Variants in CAAP1 observed in about 807,000 individuals in gnomAD.
CAAP1 encodes the protein caspase activity and apoptosis inhibitor 1, also known as conserved anti-apoptotic protein.
Under a neutral mutation model 34.0 loss-of-function variants are expected in CAAP1, and 20 were observed. That is an observed-to-expected ratio of 0.59 (90% CI 0.41 to 0.86). The LOEUF (loss-of-function observed/expected upper bound fraction) is 0.86. CAAP1 is among the 40% of genes least tolerant of loss of function. CAAP1 has a pLI of 0.00. For synonymous variants in CAAP1, 213 were observed against 166.7 expected (o/e 1.28, Z -2.14); for missense variants, 538 against 450.5 (o/e 1.19, Z -1.76).
intron 5 of CAAP1, among the ~76,000 whole-genome samples, chr9:26,853,429 C>T (rs1389291500): frequency 6.6e-6 from 1 of 152,128 alleles, no homozygotes; most frequent in Non-Finnish European, 1.5e-5. Flanking sequence ...ACTGGATACA[C>T]AAGTGTTAGA....
chr9:26,859,836 A>T (rs550506042), intron 5 of CAAP1, among the ~76,000 whole-genome samples: 2 of 152,358 alleles, frequency 1.3e-5, no homozygotes, highest in South Asian at 4.1e-4. Context: ...TGAAACAATC[A>T]GAAATATTCA....
intron 4 of CAAP1, among the ~76,000 whole-genome samples, chr9:26,872,542 G>T (rs1823303291): frequency 6.9e-6 from 1 of 144,004 alleles, no homozygotes; most frequent in African/African-American, 2.8e-5. Flanking sequence ...TAGACAGATA[G>T]ATATACATAT....
intron 3 of CAAP1, 145 bp downstream of exon 3, chr9:26,885,959 T>A: frequency 2.4e-6 from 1 of 409,188 alleles, no homozygotes; most frequent in East Asian, 3.7e-5. Context: ...CTATATTTTT[T>A]AGTGCAAATA....
chr9:26,861,570 G>A (rs1316175789), intron 4 of CAAP1, among the ~76,000 whole-genome samples: 1 of 152,062 alleles, frequency 6.6e-6, no homozygotes, highest in African/African-American at 2.4e-5. Flanking sequence ...TCTACAGTAT[G>A]TGGAAAATAC....
At chr9:26,851,556 G>C (rs1421631958) in intron 5 of CAAP1, among the ~76,000 whole-genome samples, 1 of 152,178 alleles carries the variant, frequency 6.6e-6, no homozygotes. Flanking sequence ...GGATATTTTT[G>C]GTCTTGCATT....
chr9:26,888,777 C>G (rs1376475890), intron 1 of CAAP1, among the ~76,000 whole-genome samples: 1 of 152,160 alleles, frequency 6.6e-6, no homozygotes, highest in Admixed American at 6.5e-5. Context: ...AACGATATGT[C>G]TACACAAAAA....
chr9:26,842,941 A>G (rs776897659), intron 5 of CAAP1, among the ~76,000 whole-genome samples: 10 of 152,234 alleles, frequency 6.6e-5, no homozygotes, highest in Middle Eastern at 3.2e-3. Context: ...TTAAAATGTC[A>G]TAACATTTTT....
chr9:26,843,343 C>G (rs924158794), intron 5 of CAAP1, among the ~76,000 whole-genome samples: 1 of 152,246 alleles, frequency 6.6e-6, no homozygotes, highest in South Asian at 2.1e-4. Context: ...TTATGGTTCT[C>G]GACCACCTTG....
chr9:26,841,025 C>T lies in CAAP1; in HGVS notation c.*1276G>A, dbSNP rs1405780551. 6.7e-6 allele frequency: 1 copy of T among 148,706 alleles called. No homozygotes were observed. Among genetic ancestry groups the T allele is most frequent in the Non-Finnish European group, 1.5e-5 (1 of 67,770 alleles). 9.2% of individuals were successfully genotyped at this position (148,706 alleles called of 1,614,324 possible). A position where few individuals can be genotyped will look rare whatever the true frequency, so the allele number is the denominator to read the frequency against. ...AATTATTCCAAGGCATGTTCAGGAA[C>T]AACAACAACAAAAAGAATTTGTAAC... On this transcript the variant is annotated 3_prime_UTR_variant, in exon 6 of 6. Coordinates refer to ENST00000333916, the MANE Select transcript of CAAP1 (RefSeq NM_024828.4).
At chr9:26,880,151 A>C in intron 4 of CAAP1, 2 of 227,918 alleles carry the variant, frequency 8.8e-6, no homozygotes, top group Non-Finnish European at 8.9e-6. Flanking sequence ...TGGTTTCTTA[A>C]AAGGATGTTC....
At chr9:26,874,678 ACT>A (rs745641890) in intron 4 of CAAP1, among the ~76,000 whole-genome samples, 6 of 151,980 alleles carry the variant, frequency 3.9e-5, no homozygotes, top group Non-Finnish European at 5.9e-5. Context: ...AATTTTTGTC[ACT>A]CTCATTAATT....
At chr9:26,856,291 T>C (rs778912512) in intron 5 of CAAP1, among the ~76,000 whole-genome samples, 2 of 152,222 alleles carry the variant, frequency 1.3e-5, no homozygotes, top group Non-Finnish European at 2.9e-5. Context: ...ATATACCATT[T>C]AATTATATTA....
chr9:26,874,249 C>A, intron 4 of CAAP1, among the ~76,000 whole-genome samples: 1 of 147,964 alleles, frequency 6.8e-6, no homozygotes. Flanking sequence ...TTTACAGATA[C>A]CTACTGGTTG....
rs759504077 is a variant in CAAP1, at chr9:26,842,253, ATG to A, written c.*46_*47del. 186 of 1,392,994 alleles carry A rather than the reference ATG, an allele frequency of 1.3e-4. No individual in the cohort carries two copies. Among genetic ancestry groups the A allele is most frequent in the Non-Finnish European group, 1.8e-4 (185 of 1,026,994 alleles). 86.3% of individuals were successfully genotyped at this position (1,392,994 alleles called of 1,614,324 possible). A position where few individuals can be genotyped will look rare whatever the true frequency, so the allele number is the denominator to read the frequency against. On this transcript the variant is annotated 3_prime_UTR_variant, in exon 6 of 6. Coordinates refer to ENST00000333916, the MANE Select transcript of CAAP1 (RefSeq NM_024828.4). ...TAAATTTTAGATACAAAATTAAATGATGTGGCTTTGTTCAAACATACCTAAAA... is the reference window on the plus strand; with the variant it reads ...TAAATTTTAGATACAAAATTAAATGATGGCTTTGTTCAAACATACCTAAAA...
chr9:26,854,703 C>A (rs1050183278), intron 5 of CAAP1, among the ~76,000 whole-genome samples: 5 of 152,110 alleles, frequency 3.3e-5, no homozygotes, highest in African/African-American at 7.2e-5. Context: ...CTTAAAGCAA[C>A]AATACGAAAA....
intron 1 of CAAP1, among the ~76,000 whole-genome samples, chr9:26,888,963 G>A (rs1376125198): frequency 1.3e-5 from 2 of 152,278 alleles, no homozygotes; most frequent in South Asian, 2.1e-4. Flanking sequence ...CCATAAAAAG[G>A]CATGAATCTC....
At chr9:26,875,868 A>T (rs1320449872) in intron 4 of CAAP1, among the ~76,000 whole-genome samples, 1 of 152,180 alleles carries the variant, frequency 6.6e-6, no homozygotes, top group Non-Finnish European at 1.5e-5. Context: ...AAAAATTTTA[A>T]AACATCGCTT....
chr9:26,856,394 A>C (rs1400243512), intron 5 of CAAP1, among the ~76,000 whole-genome samples: 1 of 152,238 alleles, frequency 6.6e-6, no homozygotes, highest in Non-Finnish European at 1.5e-5. Flanking sequence ...TTCTTCCAAT[A>C]GAATAAAAAA....
Position 26,842,541 on chromosome 9 carries a change from A to T in CAAP1, c.846T>A (p.Asn282Lys). 1 of 1,614,008 alleles carries T rather than the reference A, an allele frequency of 6.2e-7. No individual in the cohort carries two copies. The highest frequency in any genetic ancestry group is 8.5e-7 in the Non-Finnish European group (1 of 1,180,002). ...TCTGACCAGCTTCACTTTGGACTGT[A>T]TTTTCTGGTGCCTCGGGAGCAGCTG... Reference protein sequence around the residue: ...EEAAAPEAPENTVQSEAGQID... With the variant: ...EEAAAPEAPEKTVQSEAGQID... The change falls in exon 6 of 6, where the codon AAT becomes AAA. Residue 282 changes from asparagine (N) to lysine (K), a missense_variant. Asn to Lys is a moderately conservative substitution (Grantham distance 94). Coordinates refer to ENST00000333916, the MANE Select transcript of CAAP1 (RefSeq NM_024828.4).
Sources: allele counts gnomAD v4.1 joint callset (sites outside exome capture counted in the v4.1 genomes callset), GRCh38; gene constraint gnomAD v4.1.1; transcripts MANE v1.5; gene names NCBI Gene and HGNC (gene_info 2026-07-23, HGNC 2026-07-21).